FSHR: variants seen among roughly 807,000 people sequenced by gnomAD.
FSHR encodes follicle stimulating hormone receptor.
A neutral mutation model predicts 52.1 loss-of-function variants in FSHR; 46 were observed. The ratio of observed to expected loss-of-function variants is 0.88; its 90% CI spans 0.70 to 1.13. The LOEUF is 1.13. Ranked by LOEUF, FSHR falls within the 50% of genes most tolerant of loss-of-function variation. The pLI, the probability that FSHR is intolerant of heterozygous loss-of-function variation, is 0.00. For synonymous variants in FSHR, 399 were observed against 309.6 expected (o/e 1.29, Z -3.03); for missense variants, 964 against 834.6 (o/e 1.16, Z -1.91).
chr2:49,021,847 C>T (rs1327171273), intron 2 of FSHR, among the ~76,000 whole-genome samples: 74 of 31,492 alleles, frequency 2.3e-3, no homozygotes, highest in East Asian at 0.011. Flanking sequence ...CTCTCTCTCT[C>T]TCTCTCTCTC....
chr2:49,039,849 T>A (rs991416148), intron 2 of FSHR, among the ~76,000 whole-genome samples: 1 of 152,214 alleles, frequency 6.6e-6, no homozygotes, highest in Admixed American at 6.5e-5. Context: ...AAGCTGTTCA[T>A]CAAAATATTA....
intron 8 of FSHR, among the ~76,000 whole-genome samples, chr2:48,972,310 TCAC>T (rs1674778361): frequency 6.6e-6 from 1 of 152,220 alleles, no homozygotes; most frequent in Non-Finnish European, 1.5e-5. Context: ...CTCATTGCTA[TCAC>T]CACAAGGTAA....
At chr2:49,008,136 C>T (rs1473909047) in intron 4 of FSHR, among the ~76,000 whole-genome samples, 1 of 143,780 alleles carries the variant, frequency 7.0e-6, no homozygotes, top group African/African-American at 2.6e-5. Context: ...ACTAACTCGT[C>T]ATCTAGCATT....
chr2:49,027,685 A>G (rs1046785385), intron 2 of FSHR, among the ~76,000 whole-genome samples: 5 of 152,100 alleles, frequency 3.3e-5, no homozygotes, highest in African/African-American at 7.2e-5. Flanking sequence ...CACCATCTCT[A>G]CTAAAAATAC....
At position 48,968,893 on chromosome 2, in the gene FSHR, GA is replaced by G; in HGVS notation, c.669-11del. On this transcript the variant is annotated splice_polypyrimidine_tract_variant and intron_variant, in intron 8 of 9. Coordinates refer to ENST00000406846, the MANE Select transcript of FSHR (RefSeq NM_000145.4). ...TGTTCTTGAAATATCTCTATAAAGA[GA>G]AAAGGTAAATATAACAGGATTACTA... 2 of 1,611,966 alleles carry G rather than the reference GA, an allele frequency of 1.2e-6. No individual in the cohort carries two copies. Among genetic ancestry groups the G allele is most frequent in the Non-Finnish European group, 8.5e-7 (1 of 1,179,192 alleles).
At chr2:48,992,293 G>A (rs191776741) in intron 4 of FSHR, among the ~76,000 whole-genome samples, 10 of 152,252 alleles carry the variant, frequency 6.6e-5, no homozygotes, top group Admixed American at 2.6e-4. Context: ...GAACAGTGCC[G>A]TCACTTTCTA....
chr2:49,142,757 A>C (rs1207781767), intron 1 of FSHR, among the ~76,000 whole-genome samples: 1 of 152,142 alleles, frequency 6.6e-6, no homozygotes, highest in Admixed American at 6.5e-5. Flanking sequence ...ATGGTGAATT[A>C]AGCTATAGTG....
chr2:49,085,064 A>G (rs2103670079), intron 1 of FSHR, among the ~76,000 whole-genome samples: 1 of 152,254 alleles, frequency 6.6e-6, no homozygotes, highest in East Asian at 1.9e-4. Context: ...TTAGACCAAT[A>G]TCTTTGATGA....
intron 1 of FSHR, among the ~76,000 whole-genome samples, chr2:49,132,303 G>A (rs1382532852): frequency 2.6e-5 from 4 of 152,158 alleles, no homozygotes; most frequent in Non-Finnish European, 5.9e-5. Context: ...TTCAGTCAAT[G>A]TTCAGGACTG....
At chr2:49,047,641 T>G (rs941038268) in intron 2 of FSHR, among the ~76,000 whole-genome samples, 2 of 152,270 alleles carry the variant, frequency 1.3e-5, no homozygotes, top group South Asian at 4.1e-4. Flanking sequence ...TTACCCACTT[T>G]ATGATTTTTA....
rs56890721 is a variant in FSHR, at chr2:49,087,070, G to GTTTTTTTTTT, written c.153-18790_153-18781dup. On this transcript the variant is annotated intron_variant, in intron 1 of 9. Transcript: ENST00000406846. ...GTAGTTGAGGGACCCTGTGGGCAGG[G>GTTTTTTTTTT]TTTTTTTTTTTTTTTTTTTTTTTTT... Among the ~76,000 whole-genome samples the GTTTTTTTTTT allele has an allele frequency of 2.6e-3, 227 of 86,710 alleles. 16 individuals carry two copies. Among genetic ancestry groups the GTTTTTTTTTT allele is most frequent in the East Asian group, 0.024 (56 of 2,312 alleles). The allele number at this position is 86,710 out of a possible 152,430, so 56.9% of individuals were successfully genotyped here.
At chr2:49,043,582 C>A (rs576417385) in intron 2 of FSHR, among the ~76,000 whole-genome samples, 1 of 152,318 alleles carries the variant, frequency 6.6e-6, no homozygotes, top group African/African-American at 2.4e-5. Flanking sequence ...GTCTGTTCTA[C>A]ACTGACTACT....
chr2:49,132,914 G>C (rs1037517943), intron 1 of FSHR, among the ~76,000 whole-genome samples: 2 of 135,440 alleles, frequency 1.5e-5, no homozygotes. Flanking sequence ...ATGGTCCTAA[G>C]GGCAAAAGAG....
chr2:49,068,316 T>A, intron 1 of FSHR, 26 bp from the exon 2 acceptor site: 1 of 1,569,928 alleles, frequency 6.4e-7, no homozygotes, highest in Non-Finnish European at 8.8e-7. Context: ...AAATAAAATA[T>A]CACAACCTAT....
At chr2:49,144,413 A>G (rs1198252535) in intron 1 of FSHR, among the ~76,000 whole-genome samples, 1 of 151,906 alleles carries the variant, frequency 6.6e-6, no homozygotes, top group African/African-American at 2.4e-5. Flanking sequence ...TATTTCTAGT[A>G]TTTGTTTGGG....
chr2:49,044,819 T>C (rs937112957), intron 2 of FSHR, among the ~76,000 whole-genome samples: 5 of 152,184 alleles, frequency 3.3e-5, no homozygotes, highest in Admixed American at 6.5e-5. Context: ...AATGGCTATA[T>C]TTAGACTTGT....
intron 1 of FSHR, among the ~76,000 whole-genome samples, chr2:49,131,596 A>G (rs897298103): frequency 6.6e-6 from 1 of 152,114 alleles, no homozygotes; most frequent in Non-Finnish European, 1.5e-5. Flanking sequence ...AACCTCCACA[A>G]ATTTTTAAAA....
intron 1 of FSHR, among the ~76,000 whole-genome samples, chr2:49,119,201 G>A (rs1671711584): frequency 1.3e-5 from 2 of 152,166 alleles, no homozygotes; most frequent in Non-Finnish European, 1.5e-5. Context: ...GTGATAGTGG[G>A]GCAATATCCC....
intron 1 of FSHR, among the ~76,000 whole-genome samples, chr2:49,128,404 A>G (rs1558457432): frequency 6.6e-6 from 1 of 152,216 alleles, no homozygotes; most frequent in African/African-American, 2.4e-5. Context: ...TAAGAAAGCT[A>G]TACCATGCAC....
Sources: gnomAD v4.1 joint callset for allele counts (sites outside exome capture counted in the v4.1 genomes callset) on GRCh38, gnomAD v4.1.1 for gene constraint, MANE v1.5 for transcripts, NCBI Gene and HGNC (gene_info 2026-07-23, HGNC 2026-07-21) for gene names.